HCN1: variants seen among roughly 807,000 people sequenced by gnomAD.
HCN1 encodes potassium/sodium hyperpolarization-activated cyclic nucleotide-gated channel 1.
A neutral mutation model predicts 78.9 loss-of-function variants in HCN1; 13 were observed. That is an observed-to-expected ratio of 0.16 (90% CI 0.11 to 0.26). The LOEUF (loss-of-function observed/expected upper bound fraction) is 0.26. Among genes scored for constraint, HCN1 ranks in the 10% least tolerant of loss-of-function variants. The pLI, the probability that HCN1 is intolerant of heterozygous loss-of-function variation, is 1.00. For synonymous variants in HCN1, 552 were observed against 455.5 expected, an observed-to-expected ratio of 1.21 and a Z score of -2.70; for missense variants, 810 against 1,154.3, an observed-to-expected ratio of 0.70 and a Z score of 4.32.
intron 4 of HCN1, among the ~76,000 whole-genome samples, chr5:45,384,540 T>C (rs1253496418): frequency 6.6e-6 from 1 of 152,182 alleles, no homozygotes; most frequent in Non-Finnish European, 1.5e-5. Flanking sequence ...CTTAACATTC[T>C]TGTTTACTAA....
intron 4 of HCN1, among the ~76,000 whole-genome samples, chr5:45,356,903 TGTGA>T (rs939080533): frequency 6.6e-6 from 1 of 152,060 alleles, no homozygotes; most frequent in Non-Finnish European, 1.5e-5. Flanking sequence ...AGCCAAATGG[TGTGA>T]GTATTTGATG....
chr5:45,496,029 C>G (rs1453146157), intron 2 of HCN1, among the ~76,000 whole-genome samples: 2 of 152,110 alleles, frequency 1.3e-5, no homozygotes, highest in African/African-American at 2.4e-5. Context: ...ATTTTTGCAT[C>G]AATGTTCATC....
intron 2 of HCN1, among the ~76,000 whole-genome samples, chr5:45,492,296 ATGTGTG>A (rs375423075): frequency 4.3e-5 from 6 of 140,902 alleles, no homozygotes; most frequent in Admixed American, 7.2e-5. Flanking sequence ...AACTCTGTGT[ATGTGTG>A]TGTGTGTGTG....
chr5:45,615,902 A>G (rs1744940175), intron 2 of HCN1, among the ~76,000 whole-genome samples: 1 of 151,914 alleles, frequency 6.6e-6, no homozygotes, highest in South Asian at 2.1e-4. Context: ...TATTCAACTC[A>G]AAACACCAAA....
chr5:45,291,511 C>T (rs1221146030), intron 6 of HCN1, among the ~76,000 whole-genome samples: 1 of 151,990 alleles, frequency 6.6e-6, no homozygotes, highest in Non-Finnish European at 1.5e-5. Flanking sequence ...ACGTTTCTCC[C>T]TCAGATTGTT....
chr5:45,308,751 C>T (rs898805830), intron 5 of HCN1, among the ~76,000 whole-genome samples: 2 of 152,102 alleles, frequency 1.3e-5, no homozygotes, highest in African/African-American at 4.8e-5. Flanking sequence ...CAGTACCATG[C>T]TGTTTTGGTT....
chr5:45,623,395 T>G (rs1191778171), intron 2 of HCN1, among the ~76,000 whole-genome samples: 4 of 152,204 alleles, frequency 2.6e-5, no homozygotes, highest in Non-Finnish European at 5.9e-5. Flanking sequence ...TAGCTTCCCC[T>G]CACATCACTT....
intron 2 of HCN1, among the ~76,000 whole-genome samples, chr5:45,545,883 T>C (rs1368126037): frequency 1.3e-5 from 2 of 152,028 alleles, no homozygotes; most frequent in Non-Finnish European, 2.9e-5. Context: ...ATAGACCCCA[T>C]TTTCTCTGAC....
At chr5:45,363,121 TATATAAC>T (rs1747154205) in intron 4 of HCN1, among the ~76,000 whole-genome samples, 2 of 136,216 alleles carry the variant, frequency 1.5e-5, no homozygotes, top group East Asian at 4.2e-4. Flanking sequence ...ACATATTATA[TATATAAC>T]ATATTATATA....
chr5:45,664,388 C>A (rs1179543216), intron 1 of HCN1, among the ~76,000 whole-genome samples: 1 of 140,060 alleles, frequency 7.1e-6, no homozygotes, highest in African/African-American at 2.7e-5. Flanking sequence ...AGCGCACCAG[C>A]ATGGCACATG....
intron 2 of HCN1, among the ~76,000 whole-genome samples, chr5:45,528,039 A>T (rs1232308531): frequency 6.6e-6 from 1 of 151,876 alleles, no homozygotes; most frequent in East Asian, 1.9e-4. Flanking sequence ...TTATTTATTT[A>T]CCAATAGAAG....
chr5:45,603,174 T>C (rs558292148), intron 2 of HCN1, among the ~76,000 whole-genome samples: 10 of 152,212 alleles, frequency 6.6e-5, no homozygotes, highest in African/African-American at 2.4e-4. Flanking sequence ...TGTACCCTGT[T>C]ATAATATCTG....
chr5:45,309,086 T>C (rs1156340131), intron 5 of HCN1, among the ~76,000 whole-genome samples: 2 of 152,182 alleles, frequency 1.3e-5, no homozygotes, highest in African/African-American at 2.4e-5. Flanking sequence ...TTCACTTTTC[T>C]TGTCAGCTGT....
chr5:45,624,629 C>T (rs950420892), intron 2 of HCN1, among the ~76,000 whole-genome samples: 39 of 151,990 alleles, frequency 2.6e-4, no homozygotes, highest in African/African-American at 9.4e-4. Context: ...AATTGGAAGA[C>T]AGAGGGATTC....
chr5:45,461,418 T>C (rs1216479680), intron 3 of HCN1, among the ~76,000 whole-genome samples: 2 of 152,158 alleles, frequency 1.3e-5, no homozygotes, highest in Non-Finnish European at 2.9e-5. Flanking sequence ...AATCTATATC[T>C]ATGCTGATGT....
At chr5:45,349,070 AT>A (rs992963674) in intron 5 of HCN1, among the ~76,000 whole-genome samples, 1 of 152,238 alleles carries the variant, frequency 6.6e-6, no homozygotes, top group Non-Finnish European at 1.5e-5. Flanking sequence ...TAGAATATAC[AT>A]TTTTTTCAGC....
intron 3 of HCN1, among the ~76,000 whole-genome samples, chr5:45,445,587 A>T (rs569727059): frequency 6.0e-4 from 92 of 152,314 alleles, no homozygotes; most frequent in Non-Finnish European, 1.2e-3. Flanking sequence ...TGCCTCCTCA[A>T]GTGGGTCCCT....
chr5:45,384,449 A>G (rs954054379), intron 4 of HCN1, among the ~76,000 whole-genome samples: 1 of 152,194 alleles, frequency 6.6e-6, no homozygotes, highest in Non-Finnish European at 1.5e-5. Flanking sequence ...TTCACTGTTT[A>G]TATGGCCAAA....
At chr5:45,691,622 G>T (rs932327934) in intron 1 of HCN1, among the ~76,000 whole-genome samples, 1 of 152,088 alleles carries the variant, frequency 6.6e-6, no homozygotes, top group African/African-American at 2.4e-5. Flanking sequence ...GATATGAAAA[G>T]CAAATAAAAT....
Sources: gnomAD v4.1 joint callset for allele counts (sites outside exome capture counted in the v4.1 genomes callset) on GRCh38, gnomAD v4.1.1 for gene constraint, MANE v1.5 for transcripts, NCBI Gene and HGNC (gene_info 2026-07-23, HGNC 2026-07-21) for gene names.